STARD8: variants seen among roughly 807,000 people sequenced by gnomAD.
STARD8 encodes StAR related lipid transfer domain containing 8, also known as stAR-related lipid transfer protein 8.
STARD8 carries 25 observed loss-of-function variants against 69.4 expected under a neutral mutation model. That is an observed-to-expected ratio of 0.36 (90% confidence interval 0.26 to 0.50). The LOEUF (loss-of-function observed/expected upper bound fraction) is 0.50, where lower values mean the gene tolerates loss of function less well. STARD8 is among the 20% of genes least tolerant of loss of function. STARD8 has a pLI of 0.96. For synonymous variants in STARD8, 389 were observed against 374.6 expected, an observed-to-expected ratio of 1.04 and a Z score of -0.45; for missense variants, 921 against 932.5, an observed-to-expected ratio of 0.99 and a Z score of 0.16.
At chrX:68,665,636 G>A in intron 2 of STARD8, 104 bp downstream of exon 2, 1 of 884,142 alleles carries the variant, frequency 1.1e-6, no homozygotes. Context: ...AGAGCCAACG[G>A]CCGAGATGCA....
At chrX:68,673,669 G>A (rs1250357329) in intron 2 of STARD8, among the ~76,000 whole-genome samples, 2 of 112,112 alleles carry the variant, frequency 1.8e-5, no homozygotes, top group South Asian at 7.4e-4. Context: ...GATCATTTTG[G>A]GGTGCCAAAG....
intron 10 of STARD8, 80 bp from the exon 11 acceptor site, chrX:68,721,967 C>A: frequency 1.0e-6 from 1 of 970,521 alleles, no homozygotes; most frequent in Non-Finnish European, 1.4e-6. Flanking sequence ...GGCTTCCTGG[C>A]AGCTAGAAGG....
At chrX:68,718,699 C>A in intron 6 of STARD8, 70 bp downstream of exon 6, 1 of 1,111,496 alleles carries the variant, frequency 9.0e-7, no homozygotes, top group South Asian at 2.3e-5. Context: ...AAGCTGATTT[C>A]TCAGTCATGA....
intron 14 of STARD8, 43 bp from the exon 15 acceptor site, chrX:68,724,262 G>A (rs945692652): frequency 8.4e-7 from 1 of 1,194,255 alleles, no homozygotes. Flanking sequence ...AGGGCTCTGG[G>A]GAAAAATCCA....
chrX:68,699,045 G>T lies in STARD8; in HGVS notation c.80-13869G>T, dbSNP rs747797712. Among the ~76,000 whole-genome samples the T allele has an allele frequency of 1.6e-4, 18 of 112,020 alleles. No individual in the cohort carries two copies. In the East Asian group the frequency reaches 3.7e-3, roughly 23 times the overall value. On this transcript the variant is annotated intron_variant, in intron 2 of 14. Transcript: ENST00000374599. ...TTGTGCTTGGGCATTTCTGCAGTTT[G>T]CTCTCTGGCCCCTCCCCAAGCCTGT...
chrX:68,714,643 T>C (rs2080077431), intron 3 of STARD8, among the ~76,000 whole-genome samples: 1 of 112,640 alleles, frequency 8.9e-6, no homozygotes, highest in Non-Finnish European at 1.9e-5. Context: ...GTTTTTGTTG[T>C]GTTCACTGTT....
chrX:68,711,897 C>T (rs1053622515), intron 2 of STARD8, among the ~76,000 whole-genome samples: 1 of 112,866 alleles, frequency 8.9e-6, no homozygotes, highest in Admixed American at 9.3e-5. Flanking sequence ...CAGCTGACTT[C>T]CCCAACCAAC....
chrX:68,660,351 G>A (rs919030272), intron 1 of STARD8, among the ~76,000 whole-genome samples: 3 of 111,846 alleles, frequency 2.7e-5, no homozygotes, highest in Admixed American at 9.4e-5. Context: ...AGGGTCAAGC[G>A]CAGAATGTGT....
chrX:68,673,859 G>A (rs1421929021), intron 2 of STARD8, among the ~76,000 whole-genome samples: 1 of 112,223 alleles, frequency 8.9e-6, no homozygotes, highest in African/African-American at 3.2e-5. Flanking sequence ...CTCCCCTGAG[G>A]TTATGGGTAA....
chrX:68,707,507 G>A (rs938655602), intron 2 of STARD8, among the ~76,000 whole-genome samples: 15 of 111,562 alleles, frequency 1.3e-4, no homozygotes, highest in African/African-American at 4.9e-4. Context: ...TAGAAGAACC[G>A]GGAGAGCTCT....
rs190450839 is a variant in STARD8, at chrX:68,694,190, A to T, written c.80-18724A>T. 9.4e-4 allele frequency among the ~76,000 whole-genome samples: 106 copies of T among 112,690 alleles called. 1 individual carries two copies. Among genetic ancestry groups the T allele is most frequent in the African/African-American group, 3.3e-3 (103 of 31,092 alleles). ...AGCTGGCCGGGGGCGGCAGAGCTTC[A>T]GGCTCTGTTGCCGGGTCGCGCCAGA... On this transcript the variant is annotated intron_variant, in intron 2 of 14. Transcript: ENST00000374599.
chrX:68,691,115 A>ACACACACACG (rs1242959667), intron 2 of STARD8, among the ~76,000 whole-genome samples: 2 of 111,560 alleles, frequency 1.8e-5, no homozygotes, highest in African/African-American at 6.5e-5. Flanking sequence ...ACAGAAACAC[A>ACACACACACG]CACACACACG....
chrX:68,700,253 T>C (rs2079956463), intron 2 of STARD8, among the ~76,000 whole-genome samples: 1 of 112,390 alleles, frequency 8.9e-6, no homozygotes, highest in Non-Finnish European at 1.9e-5. Flanking sequence ...TTCACTTCCA[T>C]GATTCCATTG....
intron 2 of STARD8, among the ~76,000 whole-genome samples, chrX:68,703,366 G>T (rs1602591425): frequency 8.9e-6 from 1 of 112,823 alleles, no homozygotes; most frequent in East Asian, 2.8e-4. Flanking sequence ...ACGCCCATAG[G>T]CCCTACAGAG....
intron 2 of STARD8, among the ~76,000 whole-genome samples, chrX:68,686,758 G>T (rs893069876): frequency 3.6e-5 from 4 of 112,173 alleles, no homozygotes; most frequent in African/African-American, 9.7e-5. Context: ...TTTCCACCCC[G>T]CACGCCTTCT....
intron 2 of STARD8, among the ~76,000 whole-genome samples, chrX:68,704,990 G>A (rs1292323466): frequency 6.2e-5 from 7 of 112,062 alleles, no homozygotes; most frequent in African/African-American, 2.3e-4. Context: ...AGCAGTCACC[G>A]CTGGCCTAAT....
chrX:68,651,993 G>A (rs1055959484), intron 1 of STARD8, among the ~76,000 whole-genome samples: 7 of 106,620 alleles, frequency 6.6e-5, no homozygotes, highest in Non-Finnish European at 1.2e-4. Flanking sequence ...AATTACAGGC[G>A]CCCGCCACCA....
chrX:68,711,488 C>T (rs888454866), intron 2 of STARD8, among the ~76,000 whole-genome samples: 1 of 111,541 alleles, frequency 9.0e-6, no homozygotes, highest in Non-Finnish European at 1.9e-5. Flanking sequence ...CTTGCCCTTA[C>T]CCCCATTTGC....
intron 2 of STARD8, among the ~76,000 whole-genome samples, chrX:68,674,690 A>G (rs186813318): frequency 1.2e-4 from 13 of 111,627 alleles, no homozygotes; most frequent in Admixed American, 1.0e-3. Flanking sequence ...GAAAATTCAT[A>G]AACCTCTGGG....
Sources: gnomAD v4.1 joint callset for allele counts (sites outside exome capture counted in the v4.1 genomes callset) on GRCh38, gnomAD v4.1.1 for gene constraint, MANE v1.5 for transcripts, NCBI Gene and HGNC (gene_info 2026-07-23, HGNC 2026-07-21) for gene names.